MED12L: variants seen among roughly 807,000 people sequenced by gnomAD.
MED12L encodes the protein mediator complex subunit 12L, also known as mediator of RNA polymerase II transcription subunit 12-like protein.
MED12L carries 60 observed loss-of-function variants against 281.3 expected under a neutral mutation model. The ratio of observed to expected loss-of-function variants is 0.21; its 90% CI spans 0.17 to 0.26. The LOEUF (loss-of-function observed/expected upper bound fraction) is 0.26, where lower values mean the gene tolerates loss of function less well. MED12L is among the 10% of genes least tolerant of loss of function. The probability of loss-of-function intolerance (pLI) is 1.00; values close to 1 mark genes in which losing one functional copy is unlikely to be tolerated. For missense variants in MED12L, 2,146 were observed against 2,680.9 expected, an observed-to-expected ratio of 0.80 and a Z score of 4.41; for synonymous variants, 974 against 987.2, an observed-to-expected ratio of 0.99 and a Z score of 0.25.
chr3:151,201,597 T>C (rs1725599828), intron 16 of MED12L, among the ~76,000 whole-genome samples: 1 of 152,224 alleles, frequency 6.6e-6, no homozygotes, highest in Non-Finnish European at 1.5e-5. Context: ...TTGGTCATCT[T>C]CTAAGCGCTC....
At chr3:151,429,285 C>A (rs540600159) in intron 43 of MED12L, among the ~76,000 whole-genome samples, 3 of 152,338 alleles carry the variant, frequency 2.0e-5, no homozygotes, top group African/African-American at 7.2e-5. Flanking sequence ...GCACCTCCTC[C>A]CCACCTAGAA....
chr3:151,309,750 T>G (rs1000938900), intron 16 of MED12L, among the ~76,000 whole-genome samples: 4 of 152,232 alleles, frequency 2.6e-5, no homozygotes, highest in African/African-American at 9.6e-5. Flanking sequence ...TGCATCCTTT[T>G]ATCTCCAGGG....
intron 5 of MED12L, among the ~76,000 whole-genome samples, chr3:151,132,385 G>A (rs569444345): frequency 8.5e-5 from 13 of 152,238 alleles, no homozygotes; most frequent in African/African-American, 2.4e-4. Context: ...CAGTTCATTA[G>A]CCATTTTCTT....
intron 16 of MED12L, among the ~76,000 whole-genome samples, chr3:151,304,194 C>T (rs904403274): frequency 1.3e-5 from 2 of 152,188 alleles, no homozygotes; most frequent in African/African-American, 2.4e-5. Context: ...ATGCCTGTGA[C>T]AGAAAGGAGA....
At position 151,354,969 on chromosome 3, in the gene MED12L, A is replaced by G; in HGVS notation, c.2399-152A>G. 8 of 642,826 alleles carry G rather than the reference A, an allele frequency of 1.2e-5. No individual in the cohort carries two copies. In the Admixed American group the frequency reaches 1.8e-4, roughly 15 times the overall value. 39.8% of individuals were successfully genotyped at this position (642,826 alleles called of 1,614,324 possible). Reference sequence around the variant, plus strand: ...CTGAGATTCCATTCTGTTACTTTGCATTCAAGTCTTATTGTGTATTTATTT... The same window carrying G: ...CTGAGATTCCATTCTGTTACTTTGCGTTCAAGTCTTATTGTGTATTTATTT... On this transcript the variant is annotated intron_variant, in intron 17 of 44. Coordinates refer to ENST00000687756, the MANE Select transcript of MED12L (RefSeq NM_001393769.1).
chr3:151,378,824 G>A (rs745999072), intron 31 of MED12L, among the ~76,000 whole-genome samples: 15 of 152,134 alleles, frequency 9.9e-5, no homozygotes, highest in Non-Finnish European at 8.8e-5. Flanking sequence ...TAGATTTCTT[G>A]TCCACTAATG....
At chr3:151,348,573 CTTT>C (rs542135245) in intron 16 of MED12L, among the ~76,000 whole-genome samples, 5 of 132,378 alleles carry the variant, frequency 3.8e-5, no homozygotes, top group Admixed American at 7.6e-5. Flanking sequence ...CTCCTAGCTT[CTTT>C]TTTTTTTTTT....
At chr3:151,181,322 A>G (rs902125495) in intron 11 of MED12L, among the ~76,000 whole-genome samples, 1 of 152,124 alleles carries the variant, frequency 6.6e-6, no homozygotes, top group Non-Finnish European at 1.5e-5. Flanking sequence ...TAAAAGTGAA[A>G]TCTATTCTTT....
At chr3:151,287,706 G>C (rs1743719570) in intron 16 of MED12L, among the ~76,000 whole-genome samples, 1 of 152,068 alleles carries the variant, frequency 6.6e-6, no homozygotes, top group Non-Finnish European at 1.5e-5. Context: ...GCGATTTAAA[G>C]GTTTATTAAA....
chr3:151,191,671 CTG>C (rs1472844415), intron 14 of MED12L, among the ~76,000 whole-genome samples: 1 of 152,156 alleles, frequency 6.6e-6, no homozygotes, highest in Non-Finnish European at 1.5e-5. Context: ...CTTTGGGAGA[CTG>C]AGGCGGGCAG....
At chr3:151,295,742 T>C (rs1485027115) in intron 16 of MED12L, among the ~76,000 whole-genome samples, 1 of 152,212 alleles carries the variant, frequency 6.6e-6, no homozygotes, top group Non-Finnish European at 1.5e-5. Context: ...TGTGACTTTC[T>C]TATAGTACTT....
chr3:151,100,716 T>C (rs148017952), intron 2 of MED12L, among the ~76,000 whole-genome samples: 53 of 152,356 alleles, frequency 3.5e-4, no homozygotes, highest in African/African-American at 1.2e-3. Flanking sequence ...AACTCCCTCT[T>C]GAAAAAGATT....
chr3:151,367,308 A>G (rs1755406110), intron 23 of MED12L, among the ~76,000 whole-genome samples: 1 of 152,174 alleles, frequency 6.6e-6, no homozygotes, highest in African/African-American at 2.4e-5. Context: ...CTTAAATGGT[A>G]TATCTTGTTG....
chr3:151,147,482 AC>A (rs1331784250), intron 5 of MED12L, among the ~76,000 whole-genome samples: 3 of 152,192 alleles, frequency 2.0e-5, no homozygotes, highest in Non-Finnish European at 4.4e-5. Context: ...CATTTTCGCT[AC>A]CCCTGAAAAA....
intron 19 of MED12L, among the ~76,000 whole-genome samples, chr3:151,356,287 G>C (rs535128327): frequency 6.6e-6 from 1 of 152,062 alleles, no homozygotes; most frequent in Non-Finnish European, 1.5e-5. Flanking sequence ...AGCTACTTGG[G>C]AGGCTGAGGC....
intron 16 of MED12L, chr3:151,199,095 T>C: frequency 6.2e-7 from 1 of 1,613,950 alleles, no homozygotes; most frequent in Non-Finnish European, 8.5e-7. Flanking sequence ...GATAAATACA[T>C]ATTGATATAG....
intron 43 of MED12L, among the ~76,000 whole-genome samples, chr3:151,422,812 T>G (rs1393964095): frequency 3.4e-5 from 4 of 119,276 alleles, no homozygotes; most frequent in Non-Finnish European, 5.1e-5. Context: ...TAGGATTTGA[T>G]TCATTGCTTT....
At chr3:151,201,941 C>G (rs1725661745) in intron 16 of MED12L, among the ~76,000 whole-genome samples, 1 of 152,080 alleles carries the variant, frequency 6.6e-6, no homozygotes, top group South Asian at 2.1e-4. Context: ...TAAAATAAGT[C>G]TGTTGTATCA....
chr3:151,088,535 T>C (rs1560032880), intron 2 of MED12L, among the ~76,000 whole-genome samples: 1 of 152,176 alleles, frequency 6.6e-6, no homozygotes, highest in African/African-American at 2.4e-5. Context: ...TCTTACTCTG[T>C]CTTTCCAGAG....
Sources: allele counts gnomAD v4.1 joint callset (sites outside exome capture counted in the v4.1 genomes callset), GRCh38; gene constraint gnomAD v4.1.1; transcripts MANE v1.5; gene names NCBI Gene and HGNC (gene_info 2026-07-23, HGNC 2026-07-21).